ROBO1: variants seen among roughly 807,000 people sequenced by gnomAD.
ROBO1 encodes roundabout guidance receptor 1, also known as roundabout homolog 1.
Under a neutral mutation model 195.9 loss-of-function variants are expected in ROBO1, and 149 were observed. That is an observed-to-expected ratio of 0.76 (90% CI 0.67 to 0.87). ROBO1 has a LOEUF of 0.87. Among genes scored for constraint, ROBO1 ranks in the 40% least tolerant of loss-of-function variants. The pLI is 0.00. For missense variants in ROBO1, 1,933 were observed against 2,068.3 expected (o/e 0.93, Z 1.27); for synonymous variants, 816 against 733.2 (o/e 1.11, Z -1.82).
chr3:78,970,450 T>G (rs2107906876), intron 3 of ROBO1, among the ~76,000 whole-genome samples: 1 of 152,272 alleles, frequency 6.6e-6, no homozygotes, highest in Middle Eastern at 3.4e-3. Context: ...AACAGTGAAC[T>G]ATATCTACCC....
At chr3:79,123,794 A>C (rs1329641864) in intron 3 of ROBO1, among the ~76,000 whole-genome samples, 2 of 152,030 alleles carry the variant, frequency 1.3e-5, no homozygotes, top group African/African-American at 4.8e-5. Flanking sequence ...TTATCTAATG[A>C]TATGTTTAAT....
chr3:79,162,420 G>A (rs1001076649), intron 2 of ROBO1, among the ~76,000 whole-genome samples: 2 of 152,042 alleles, frequency 1.3e-5, no homozygotes, highest in African/African-American at 4.8e-5. Context: ...TGGTTTGAGG[G>A]ATATTTTTGC....
intron 1 of ROBO1, among the ~76,000 whole-genome samples, chr3:79,669,814 T>C (rs748638417): frequency 6.6e-4 from 101 of 151,962 alleles, no homozygotes; most frequent in Non-Finnish European, 1.1e-3. Flanking sequence ...ACCATTGGAA[T>C]GAAAGACATT....
At chr3:79,457,472 G>T (rs980169413) in intron 2 of ROBO1, among the ~76,000 whole-genome samples, 2 of 151,782 alleles carry the variant, frequency 1.3e-5, no homozygotes, top group African/African-American at 4.8e-5. Flanking sequence ...CAGATCTTTG[G>T]TACAGATGCT....
At chr3:79,595,872 A>G (rs954005951) in intron 1 of ROBO1, among the ~76,000 whole-genome samples, 2 of 151,918 alleles carry the variant, frequency 1.3e-5, no homozygotes, top group Non-Finnish European at 1.5e-5. Flanking sequence ...GTCTTAATAA[A>G]GAGAATAACC....
intron 4 of ROBO1, among the ~76,000 whole-genome samples, chr3:78,762,056 G>A (rs2083118629): frequency 6.6e-6 from 1 of 151,844 alleles, no homozygotes; most frequent in Admixed American, 6.6e-5. Flanking sequence ...GTTTTTAAAT[G>A]GGAATTTAAC....
intron 7 of ROBO1, among the ~76,000 whole-genome samples, chr3:78,715,433 T>C (rs77592568): frequency 0.018 from 2,795 of 152,228 alleles, 82 homozygotes; most frequent in African/African-American, 0.063. Flanking sequence ...GTTCAGACAG[T>C]TTACATCTCT....
At chr3:78,919,931 A>G (rs935842556) in intron 4 of ROBO1, among the ~76,000 whole-genome samples, 2 of 152,228 alleles carry the variant, frequency 1.3e-5, no homozygotes, top group Non-Finnish European at 2.9e-5. Context: ...TGCAAAACAT[A>G]AAGGTCTGGA....
Position 78,779,762 on chromosome 3 carries a change from C to T in ROBO1, c.500-32862G>A, listed in dbSNP as rs566060255. On this transcript the variant is annotated intron_variant, in intron 4 of 30. Transcript: ENST00000464233. ...TAGCAATCCCATTACTGGGTATATA[C>T]ACAAAGGATTATAAATCATTCTACT... 1.1e-4 allele frequency among the ~76,000 whole-genome samples: 16 copies of T among 152,266 alleles called. No individual in the cohort carries two copies. In the East Asian group the frequency reaches 3.1e-3, roughly 29 times the overall value.
At chr3:78,659,461 A>G (rs1431969337) in intron 17 of ROBO1, among the ~76,000 whole-genome samples, 2 of 152,174 alleles carry the variant, frequency 1.3e-5, no homozygotes, top group Non-Finnish European at 2.9e-5. Context: ...AATCGCCAAA[A>G]GATTCACCAA....
At chr3:78,798,201 A>G (rs1241744816) in intron 4 of ROBO1, among the ~76,000 whole-genome samples, 1 of 152,178 alleles carries the variant, frequency 6.6e-6, no homozygotes, top group Admixed American at 6.5e-5. Context: ...AATATAGTGT[A>G]TTATCATTTC....
At chr3:79,197,594 G>A (rs2081663481) in intron 2 of ROBO1, among the ~76,000 whole-genome samples, 1 of 152,046 alleles carries the variant, frequency 6.6e-6, no homozygotes, top group South Asian at 2.1e-4. Context: ...TCTAGTTCTA[G>A]ATCCTTGAGG....
intron 2 of ROBO1, among the ~76,000 whole-genome samples, chr3:79,520,839 CA>C (rs796691319): frequency 0.027 from 3,352 of 125,620 alleles, 100 homozygotes; most frequent in African/African-American, 0.078. Flanking sequence ...AAACCAGAGC[CA>C]AAAAAAAAAA....
intron 3 of ROBO1, among the ~76,000 whole-genome samples, chr3:79,065,170 A>G (rs1235830853): frequency 6.6e-6 from 1 of 152,014 alleles, no homozygotes; most frequent in Non-Finnish European, 1.5e-5. Context: ...CTAAAATGGA[A>G]ATAACACAAA....
chr3:78,801,720 TTAAC>T (rs1296014900), intron 4 of ROBO1, among the ~76,000 whole-genome samples: 4 of 152,268 alleles, frequency 2.6e-5, no homozygotes, highest in South Asian at 4.1e-4. Context: ...ATAAGTGTTT[TTAAC>T]TAATTTATAT....
intron 3 of ROBO1, among the ~76,000 whole-genome samples, chr3:78,989,975 T>C (rs968265383): frequency 6.6e-6 from 1 of 152,128 alleles, no homozygotes; most frequent in African/African-American, 2.4e-5. Context: ...CCATAATGCG[T>C]ATAAAAACAA....
In ROBO1 at chr3:79,395,996, C is replaced by A. The variant is rs544588499; in HGVS notation, c.88+193828G>T. Reference sequence around the variant, plus strand: ...AGGGATGAATTACCATCTGAGTGAACTATAAGAATTTGCAAAGTTTGTTTT... The same window carrying A: ...AGGGATGAATTACCATCTGAGTGAAATATAAGAATTTGCAAAGTTTGTTTT... On this transcript the variant is annotated intron_variant, in intron 2 of 30. Transcript: ENST00000464233. 4.6e-5 allele frequency among the ~76,000 whole-genome samples: 7 copies of A among 152,162 alleles called. No homozygotes were observed. The South Asian group carries it at 1.0e-3, about 23-fold the overall frequency.
At chr3:78,755,244 G>A (rs2082899141) in intron 4 of ROBO1, among the ~76,000 whole-genome samples, 1 of 152,140 alleles carries the variant, frequency 6.6e-6, no homozygotes, top group African/African-American at 2.4e-5. Flanking sequence ...GATGCTGGAG[G>A]ATGGCCTGAG....
chr3:79,018,672 T>C, intron 3 of ROBO1: 2 of 1,384,130 alleles, frequency 1.4e-6, no homozygotes, highest in Non-Finnish European at 9.4e-7. Context: ...ATTCCAAGGT[T>C]TGTCTTCTCC....
Sources: allele counts gnomAD v4.1 joint callset (sites outside exome capture counted in the v4.1 genomes callset), GRCh38; gene constraint gnomAD v4.1.1; transcripts MANE v1.5; gene names NCBI Gene and HGNC (gene_info 2026-07-23, HGNC 2026-07-21).